The following LGR6 variants were observed in gnomAD, a reference collection of about 807,000 sequenced individuals.
The protein encoded by LGR6 is leucine-rich repeat-containing G protein-coupled receptor 6.
LGR6 carries 45 observed loss-of-function variants against 69.4 expected under a neutral mutation model. The observed-to-expected ratio is 0.65, with a 90% CI of 0.51 to 0.83. The LOEUF (loss-of-function observed/expected upper bound fraction) is 0.83. Among genes scored for constraint, LGR6 ranks in the 40% least tolerant of loss-of-function variants. The pLI, the probability that LGR6 is intolerant of heterozygous loss-of-function variation, is 0.00. For missense variants in LGR6, 1,108 were observed against 1,246.7 expected (o/e 0.89, Z 1.68); for synonymous variants, 538 against 555.0 (o/e 0.97, Z 0.43).
intron 4 of LGR6, among the ~76,000 whole-genome samples, chr1:202,240,432 G>A (rs1662090129): frequency 6.6e-6 from 1 of 151,944 alleles, no homozygotes; most frequent in South Asian, 2.1e-4. Flanking sequence ...TGAGTGCTCT[G>A]GGGAGGGTGC....
intron 1 of LGR6, among the ~76,000 whole-genome samples, chr1:202,210,161 G>T (rs999012591): frequency 1.3e-5 from 2 of 152,116 alleles, no homozygotes; most frequent in Non-Finnish European, 1.5e-5. Context: ...CCTCAACTCT[G>T]GGGGAGGCCT....
intron 1 of LGR6, among the ~76,000 whole-genome samples, chr1:202,205,406 A>ACACC (rs1659147397): frequency 5.0e-5 from 1 of 19,842 alleles, no homozygotes; most frequent in African/African-American, 1.6e-4. Flanking sequence ...AAACACACAC[A>ACACC]CCTCCAAACA....
At chr1:202,205,573 TACAC>T (rs1427561838) in intron 1 of LGR6, among the ~76,000 whole-genome samples, 2 of 124,906 alleles carry the variant, frequency 1.6e-5, no homozygotes, top group African/African-American at 6.3e-5. Flanking sequence ...CCTTCAAACA[TACAC>T]ATACACACCC....
chr1:202,319,139 G>T lies in LGR6; in HGVS notation c.2836G>T (p.Ala946Ser). ...LLLRAEGSTP[A>S]GGGLSGGGGF... ...GCTGAGGGCAGAGGGATCTACGCCAGCAGGTGGAGGCTTGTCAGGGGGTGG... is the reference window on the plus strand; with the variant it reads ...GCTGAGGGCAGAGGGATCTACGCCATCAGGTGGAGGCTTGTCAGGGGGTGG... Residue 946 changes from alanine to serine, a missense_variant, in exon 18 of 18, where the codon GCA becomes TCA. Coordinates refer to ENST00000367278, the MANE Select transcript of LGR6 (RefSeq NM_001017403.2). 6.2e-7 allele frequency: 1 copy of T among 1,614,048 alleles called. No homozygotes were observed. Among genetic ancestry groups the T allele is most frequent in the South Asian group, 1.1e-5 (1 of 91,068 alleles).
chr1:202,219,753 C>A (rs1296709418), intron 1 of LGR6, among the ~76,000 whole-genome samples: 2 of 152,142 alleles, frequency 1.3e-5, no homozygotes, highest in African/African-American at 4.8e-5. Flanking sequence ...AAGGTTAAGT[C>A]CTTGCCTTGA....
chr1:202,235,466 C>G (rs1352857263), intron 3 of LGR6, among the ~76,000 whole-genome samples: 1 of 152,166 alleles, frequency 6.6e-6, no homozygotes, highest in Non-Finnish European at 1.5e-5. Flanking sequence ...GCACTGACAC[C>G]CTAAGGGCAG....
rs142030161 is a variant in LGR6, at chr1:202,269,871, G to T, written c.429-6435G>T. Among the ~76,000 whole-genome samples, 93 of 152,276 alleles carry T rather than the reference G, an allele frequency of 6.1e-4. No individual in the cohort carries two copies. In the South Asian group the frequency reaches 0.012, roughly 20 times the overall value. On this transcript the variant is annotated intron_variant, in intron 4 of 17. Coordinates refer to ENST00000367278, the MANE Select transcript of LGR6 (RefSeq NM_001017403.2). Reference sequence around the variant, plus strand: ...AAAGTCAGCCTGCACTCAGGGAGCGGGTACTATGGCAAAGCCCTGAGCATG... The same window carrying T: ...AAAGTCAGCCTGCACTCAGGGAGCGTGTACTATGGCAAAGCCCTGAGCATG...
At chr1:202,312,194 A>G (rs533806795) in intron 16 of LGR6, among the ~76,000 whole-genome samples, 110 of 152,366 alleles carry the variant, frequency 7.2e-4, no homozygotes, top group African/African-American at 2.5e-3. Context: ...CTCGAGAAGG[A>G]AAGCCAGGAG....
Position 202,305,693 on chromosome 1 carries a change from T to G in LGR6, c.1080T>G (p.Ser360=), listed in dbSNP as rs199778849. The G allele has an allele frequency of 5.6e-5, 90 of 1,613,734 alleles. No individual in the cohort carries two copies. The highest frequency in any genetic ancestry group is 4.7e-4 in the Admixed American group (28 of 59,994). The change falls in exon 12 of 18, where the codon TCT becomes TCG. Residue 360 remains serine, a synonymous_variant. Transcript: ENST00000367278. ...QLPRLRVLEL[S]HNQIEELPSL... ...TTTCTCTTTTCCCCAGGGAACTGTC[T>G]CACAATCAAATTGAGGAGCTGCCCA...
chr1:202,204,677 AAACACACACACACCCCCAAACAC>A (rs1170103114), intron 1 of LGR6, among the ~76,000 whole-genome samples: 12 of 13,114 alleles, frequency 9.2e-4, no homozygotes, highest in East Asian at 3.0e-3. Context: ...ACACGCCTCC[AAACACACACACACCCCCAAACAC>A]ACACACACAC....
At chr1:202,263,003 C>CT (rs1271545918) in intron 4 of LGR6, among the ~76,000 whole-genome samples, 1 of 151,008 alleles carries the variant, frequency 6.6e-6, no homozygotes, top group African/African-American at 2.4e-5. Flanking sequence ...TCTGTCTTAG[C>CT]TTTTTTTCTT....
chr1:202,264,291 A>G (rs727724), intron 4 of LGR6, among the ~76,000 whole-genome samples: 89,062 of 152,042 alleles, frequency 0.59, 27,351 homozygotes, highest in East Asian at 0.83. Context: ...ATGTGCCTGA[A>G]TTTTCCCTGG....
chr1:202,201,520 C>A (rs1480219504), intron 1 of LGR6, among the ~76,000 whole-genome samples: 2 of 152,146 alleles, frequency 1.3e-5, no homozygotes, highest in Non-Finnish European at 2.9e-5. Flanking sequence ...AAGGAGCTTG[C>A]CTAAGACAAC....
At chr1:202,229,269 G>A (rs558457011) in intron 3 of LGR6, among the ~76,000 whole-genome samples, 22 of 152,058 alleles carry the variant, frequency 1.4e-4, no homozygotes, top group Middle Eastern at 3.4e-3. Flanking sequence ...TCTGTCCTTG[G>A]GTCTCTCCTG....
At chr1:202,203,452 C>T (rs927559704) in intron 1 of LGR6, among the ~76,000 whole-genome samples, 1 of 152,212 alleles carries the variant, frequency 6.6e-6, no homozygotes, top group African/African-American at 2.4e-5. Flanking sequence ...TACCTGTCAT[C>T]CCCACTGGTG....
chr1:202,238,096 GT>G (rs1169417222), intron 4 of LGR6, among the ~76,000 whole-genome samples: 7 of 150,062 alleles, frequency 4.7e-5, no homozygotes, highest in Non-Finnish European at 1.0e-4. Flanking sequence ...TTTTGTTTTT[GT>G]TTTTGTTTTT....
intron 1 of LGR6, among the ~76,000 whole-genome samples, chr1:202,204,756 C>CATCTA (rs1558004079): frequency 2.1e-4 from 5 of 23,296 alleles, no homozygotes; most frequent in Admixed American, 4.5e-4. Context: ...CAAACACACA[C>CATCTA]ACACACCCCT....
chr1:202,233,399 C>A (rs1571857820), intron 3 of LGR6, among the ~76,000 whole-genome samples: 1 of 152,252 alleles, frequency 6.6e-6, no homozygotes, highest in Non-Finnish European at 1.5e-5. Flanking sequence ...CCTGCGACCC[C>A]CTGTTTTCTC....
rs1654446847 is a variant in LGR6, at chr1:202,319,281, A to G, written c.*74A>G. ...CCCTCGGTGAATGATGGCTGCTTCT[A>G]AAACAAATACAACCAAAACTCAGCA... On this transcript the variant is annotated 3_prime_UTR_variant, in exon 18 of 18. Coordinates refer to ENST00000367278, the MANE Select transcript of LGR6 (RefSeq NM_001017403.2). 7.0e-7 allele frequency: 1 copy of G among 1,435,796 alleles called. No homozygotes were observed. Among genetic ancestry groups the G allele is most frequent in the African/African-American group, 1.4e-5 (1 of 69,938 alleles). 88.9% of individuals were successfully genotyped at this position (1,435,796 alleles called of 1,614,324 possible).
Sources: gnomAD v4.1 joint callset for allele counts (sites outside exome capture counted in the v4.1 genomes callset) on GRCh38, gnomAD v4.1.1 for gene constraint, MANE v1.5 for transcripts, NCBI Gene and HGNC (gene_info 2026-07-23, HGNC 2026-07-21) for gene names.